ACER2: variants seen among roughly 807,000 people sequenced by gnomAD.
ACER2 encodes alkCDase 2.
ACER2 carries 26 observed loss-of-function variants against 34.7 expected under a neutral mutation model. The observed-to-expected ratio is 0.75, with a 90% CI of 0.55 to 1.04. ACER2 has a LOEUF of 1.04. Ranked by LOEUF, ACER2 falls within the 50% of genes least tolerant of loss-of-function variation. The pLI, the probability that ACER2 is intolerant of heterozygous loss-of-function variation, is 0.00. For missense variants in ACER2, 352 were observed against 340.8 expected (o/e 1.03, Z -0.26); for synonymous variants, 138 against 132.1 (o/e 1.04, Z -0.31).
At chr9:19,410,627 C>T (rs1830060309) in intron 1 of ACER2, among the ~76,000 whole-genome samples, 1 of 152,154 alleles carries the variant, frequency 6.6e-6, no homozygotes, top group African/African-American at 2.4e-5. Flanking sequence ...GGAGGATCAC[C>T]TGAGCCTGGG....
chr9:19,448,156 A>C (rs936974537), intron 5 of ACER2, among the ~76,000 whole-genome samples: 3 of 152,000 alleles, frequency 2.0e-5, no homozygotes, highest in African/African-American at 7.2e-5. Context: ...CTACAGGTGC[A>C]TGCCACTGTG....
At chr9:19,430,044 T>C (rs1830701678) in intron 3 of ACER2, among the ~76,000 whole-genome samples, 1 of 152,154 alleles carries the variant, frequency 6.6e-6, no homozygotes, top group Non-Finnish European at 1.5e-5. Context: ...ATAAATTTCA[T>C]TTCATTTCAG....
intron 1 of ACER2, among the ~76,000 whole-genome samples, chr9:19,416,812 C>T (rs1328101979): frequency 9.9e-5 from 15 of 152,104 alleles, no homozygotes; most frequent in African/African-American, 9.7e-5. Flanking sequence ...GGATTACAGG[C>T]GTGAGCCACC....
chr9:19,437,374 C>T (rs1417731417), intron 4 of ACER2, among the ~76,000 whole-genome samples: 1 of 152,182 alleles, frequency 6.6e-6, no homozygotes, highest in Non-Finnish European at 1.5e-5. Context: ...CATTGGGTCC[C>T]TCATCTCCTG....
chr9:19,424,008 A>T (rs896580896), intron 2 of ACER2, 32 bp downstream of exon 2: 3 of 1,510,354 alleles, frequency 2.0e-6, no homozygotes, highest in African/African-American at 2.7e-5. Context: ...CACGGACTTA[A>T]TGGGGTGGTG....
chr9:19,433,149 CTTTTT>C (rs57915019), intron 3 of ACER2, among the ~76,000 whole-genome samples: 35 of 61,366 alleles, frequency 5.7e-4, no homozygotes, highest in South Asian at 1.8e-3. Flanking sequence ...GTGTGAGTGG[CTTTTT>C]TTTTTTTTTT....
chr9:19,441,375 G>A (rs1247569161), intron 4 of ACER2, among the ~76,000 whole-genome samples: 1 of 151,996 alleles, frequency 6.6e-6, no homozygotes, highest in East Asian at 1.9e-4. Context: ...TCTACCAGTC[G>A]ATGTTGCAAT....
intron 1 of ACER2, 40 bp downstream of exon 1, chr9:19,409,232 G>T: frequency 6.5e-7 from 1 of 1,540,542 alleles, no homozygotes; most frequent in Non-Finnish European, 8.8e-7. Context: ...CGGGCCAGCG[G>T]GAGGGGGCTG....
intron 4 of ACER2, among the ~76,000 whole-genome samples, chr9:19,440,600 A>G (rs1831123557): frequency 6.6e-6 from 1 of 152,182 alleles, no homozygotes; most frequent in African/African-American, 2.4e-5. Context: ...CAGACTTCCC[A>G]GCCTCTAGAA....
At chr9:19,413,053 T>C (rs10119829) in intron 1 of ACER2, among the ~76,000 whole-genome samples, 24,200 of 152,204 alleles carry the variant, frequency 0.16, 1,987 homozygotes, top group South Asian at 0.25. Context: ...CTGATAATTA[T>C]TGTGAAATGG....
intron 3 of ACER2, among the ~76,000 whole-genome samples, chr9:19,433,756 C>T (rs1415204092): frequency 2.6e-5 from 4 of 151,974 alleles, no homozygotes; most frequent in East Asian, 1.9e-4. Context: ...CCTCACCTCC[C>T]GGATGGGGCG....
intron 3 of ACER2, among the ~76,000 whole-genome samples, chr9:19,426,581 G>T (rs1186297161): frequency 6.6e-6 from 1 of 152,086 alleles, no homozygotes; most frequent in Non-Finnish European, 1.5e-5. Flanking sequence ...TAAACGTTTT[G>T]TGTATTTGTT....
chr9:19,439,517 G>A (rs973439160), intron 4 of ACER2, among the ~76,000 whole-genome samples: 4 of 151,982 alleles, frequency 2.6e-5, no homozygotes, highest in South Asian at 4.2e-4. Context: ...GCTAATTTTT[G>A]TAGTTTTAGT....
At chr9:19,415,004 T>C (rs990298657) in intron 1 of ACER2, among the ~76,000 whole-genome samples, 3 of 152,210 alleles carry the variant, frequency 2.0e-5, no homozygotes, top group African/African-American at 2.4e-5. Flanking sequence ...TGTTCCTTCA[T>C]CTTTTTCTCT....
At chr9:19,450,113 G>A (rs7855215) in intron 5 of ACER2, 46,804 of 774,340 alleles carry the variant, frequency 0.06, 1,692 homozygotes, top group African/African-American at 0.14. Context: ...CTAATCAGAT[G>A]TGCTCAGTTA....
At chr9:19,438,586 C>T (rs1378211163) in intron 4 of ACER2, among the ~76,000 whole-genome samples, 5 of 152,228 alleles carry the variant, frequency 3.3e-5, no homozygotes, top group Non-Finnish European at 5.9e-5. Flanking sequence ...GTGACAACAT[C>T]TGAAATGATT....
At chr9:19,432,976 G>C (rs1391098856) in intron 3 of ACER2, among the ~76,000 whole-genome samples, 3 of 151,578 alleles carry the variant, frequency 2.0e-5, no homozygotes, top group Non-Finnish European at 4.4e-5. Context: ...TCGAACATCT[G>C]AAAACATACG....
chr9:19,446,048 T>A, intron 4 of ACER2: 1 of 711,000 alleles, frequency 1.4e-6, no homozygotes, highest in Non-Finnish European at 2.6e-6. Flanking sequence ...TAGTTGGGTG[T>A]ATGAGTCTGG....
intron 1 of ACER2, among the ~76,000 whole-genome samples, chr9:19,420,660 A>G (rs933209740): frequency 6.6e-6 from 1 of 152,222 alleles, no homozygotes; most frequent in African/African-American, 2.4e-5. Flanking sequence ...CTAGTGCCTT[A>G]GTCCGTTCAT....
Sources: gnomAD v4.1 joint callset for allele counts (sites outside exome capture counted in the v4.1 genomes callset) on GRCh38, gnomAD v4.1.1 for gene constraint, MANE v1.5 for transcripts, NCBI Gene and HGNC (gene_info 2026-07-23, HGNC 2026-07-21) for gene names.